The following SLC38A12 variants were observed in gnomAD, a reference collection of about 807,000 sequenced individuals.
The protein encoded by SLC38A12 is solute carrier family 38 member 12.
At chr17:74,826,865 G>A in the SLC38A12 span, among the ~76,000 whole-genome samples, 1 of 152,216 alleles carries the variant, frequency 6.6e-6, no homozygotes, top group African/African-American at 2.4e-5. Context: ...GATGCTGGCG[G>A]TGGTGGGGGT....
chr17:74,813,438 C>T, the SLC38A12 span, among the ~76,000 whole-genome samples: 1 of 152,344 alleles, frequency 6.6e-6, no homozygotes, highest in Middle Eastern at 3.4e-3. Context: ...TTGCAGCCCT[C>T]ACTTCAGCCC....
chr17:74,823,977 C>T, the SLC38A12 span, among the ~76,000 whole-genome samples: 2 of 152,366 alleles, frequency 1.3e-5, no homozygotes, highest in South Asian at 2.1e-4. Flanking sequence ...GAGGGGGCCA[C>T]GGTGAGCATG....
At chr17:74,804,280 G>A in the SLC38A12 span, among the ~76,000 whole-genome samples, 25 of 152,370 alleles carry the variant, frequency 1.6e-4, no homozygotes, top group Middle Eastern at 3.4e-3. Context: ...AGTAATAGCC[G>A]TGATCCTTCG....
chr17:74,781,394 C>A, the SLC38A12 span, among the ~76,000 whole-genome samples: 1 of 152,182 alleles, frequency 6.6e-6, no homozygotes, highest in East Asian at 1.9e-4. Context: ...AGGCGATTTT[C>A]CCATCTCAGT....
At chr17:74,836,719 C>T in the SLC38A12 span, 5 of 1,552,488 alleles carry the variant, frequency 3.2e-6, no homozygotes. This position sits in a 1 kb window ranked among gnomAD's most constrained non-coding sequence, Gnocchi z 4.2. Context: ...TGACAGGAGG[C>T]ATAGGGGCCC....
chr17:74,787,251 A>T, the SLC38A12 span, among the ~76,000 whole-genome samples: 1 of 152,106 alleles, frequency 6.6e-6, no homozygotes, highest in African/African-American at 2.4e-5. Context: ...CAGGGTGAGC[A>T]GTCAGCCCCC....
At chr17:74,779,642 G>T in the SLC38A12 span, among the ~76,000 whole-genome samples, 4 of 152,210 alleles carry the variant, frequency 2.6e-5, no homozygotes, top group East Asian at 7.7e-4. Flanking sequence ...GATGCTGGCT[G>T]CTCTGAGTTC....
chr17:74,782,327 C>A, the SLC38A12 span, among the ~76,000 whole-genome samples: 7 of 152,170 alleles, frequency 4.6e-5, no homozygotes, highest in African/African-American at 1.7e-4. Context: ...CTCAGCCTCT[C>A]AAAGTGCTAG....
chr17:74,780,872 C>A, the SLC38A12 span, among the ~76,000 whole-genome samples: 2 of 152,232 alleles, frequency 1.3e-5, no homozygotes, highest in African/African-American at 4.8e-5. Flanking sequence ...AATAGTTTCT[C>A]TCTTCATTCA....
chr17:74,824,310 G>T, the SLC38A12 span, among the ~76,000 whole-genome samples: 1 of 152,178 alleles, frequency 6.6e-6, no homozygotes, highest in African/African-American at 2.4e-5. Context: ...AGGGGCAGGG[G>T]CTCTAGCCTC....
the SLC38A12 span, among the ~76,000 whole-genome samples, chr17:74,825,993 A>T: frequency 6.6e-6 from 1 of 152,144 alleles, no homozygotes; most frequent in East Asian, 1.9e-4. Context: ...CTCTGCATCT[A>T]GCTGGCTGCT....
the SLC38A12 span, among the ~76,000 whole-genome samples, chr17:74,800,220 A>C: frequency 2.0e-5 from 3 of 152,092 alleles, no homozygotes; most frequent in African/African-American, 7.2e-5. Flanking sequence ...GGCATGGAGC[A>C]CCTCTTCTCA....
chr17:74,778,424 T>G, the SLC38A12 span, among the ~76,000 whole-genome samples: 30 of 152,250 alleles, frequency 2.0e-4, no homozygotes, highest in Middle Eastern at 3.4e-3. Context: ...GCCTTGTACA[T>G]AGCTTCCTAG....
the SLC38A12 span, among the ~76,000 whole-genome samples, chr17:74,802,226 C>T: frequency 1.3e-5 from 2 of 152,230 alleles, no homozygotes; most frequent in Admixed American, 1.3e-4. Context: ...GTTCGGTTGA[C>T]TGGCATTATG....
chr17:74,787,825 G>A, the SLC38A12 span, among the ~76,000 whole-genome samples: 5 of 146,120 alleles, frequency 3.4e-5, no homozygotes, highest in East Asian at 6.2e-4. Context: ...ACAGAATCTC[G>A]CTCTGTCACC....
the SLC38A12 span, chr17:74,795,675 G>A: frequency 1.2e-5 from 18 of 1,502,874 alleles, no homozygotes; most frequent in Non-Finnish European, 1.7e-5. Flanking sequence ...AGCCCAGCCT[G>A]CACAGCTGAG....
At chr17:74,792,153 A>T in the SLC38A12 span, among the ~76,000 whole-genome samples, 4 of 151,634 alleles carry the variant, frequency 2.6e-5, no homozygotes, top group South Asian at 6.3e-4. Flanking sequence ...CTCAAAAAAA[A>T]AAAAAAGAAT....
the SLC38A12 span, chr17:74,795,776 T>C: frequency 1.5e-5 from 10 of 663,572 alleles, no homozygotes; most frequent in Non-Finnish European, 2.6e-5. Flanking sequence ...CACTGGGGCC[T>C]TGGCCCCAGG....
At chr17:74,813,849 C>T in the SLC38A12 span, among the ~76,000 whole-genome samples, 1 of 152,158 alleles carries the variant, frequency 6.6e-6, no homozygotes, top group Non-Finnish European at 1.5e-5. Context: ...TCTTCCTTCC[C>T]CTTTTTTGAG....
Sources: allele counts gnomAD v4.1 joint callset (sites outside exome capture counted in the v4.1 genomes callset), GRCh38; gene constraint gnomAD v4.1.1; non-coding constraint Gnocchi (gnomAD v3.1); transcripts MANE v1.5; gene names NCBI Gene and HGNC (gene_info 2026-07-23, HGNC 2026-07-21).